Variants in IKZF1 observed in about 807,000 individuals in gnomAD.
The protein encoded by IKZF1 is IKAROS family zinc finger 1.
Under a neutral mutation model 51.7 loss-of-function variants are expected in IKZF1, and 10 were observed. That is an observed-to-expected ratio of 0.19 (90% CI 0.12 to 0.33). The LOEUF is 0.33. Among genes scored for constraint, IKZF1 ranks in the 10% least tolerant of loss-of-function variants. The pLI is 1.00. For missense variants in IKZF1, 484 were observed against 707.5 expected, an observed-to-expected ratio of 0.68 and a Z score of 3.58; for synonymous variants, 280 against 282.3, an observed-to-expected ratio of 0.99 and a Z score of 0.08.
At chr7:50,389,939 G>T (rs10254237) in intron 6 of IKZF1, among the ~76,000 whole-genome samples, 105,545 of 152,070 alleles carry the variant, frequency 0.69, 37,396 homozygotes, top group Non-Finnish European at 0.77. Context: ...CTCCTTAGAT[G>T]GGGTGGATTC....
At chr7:50,353,233 A>G (rs550782175) in intron 3 of IKZF1, among the ~76,000 whole-genome samples, 2 of 152,378 alleles carry the variant, frequency 1.3e-5, no homozygotes, top group East Asian at 3.9e-4. Flanking sequence ...TTGCAGCTCC[A>G]TGTTTCCAAA....
At chr7:50,344,314 C>T (rs1261319392) in intron 3 of IKZF1, among the ~76,000 whole-genome samples, 2 of 152,214 alleles carry the variant, frequency 1.3e-5, no homozygotes, top group East Asian at 1.9e-4. Flanking sequence ...ACTGTCCTCA[C>T]ATGTAGATGA....
At chr7:50,397,814 T>G (rs2153514543) in intron 7 of IKZF1, among the ~76,000 whole-genome samples, 1 of 151,972 alleles carries the variant, frequency 6.6e-6, no homozygotes, top group African/African-American at 2.4e-5. Flanking sequence ...CTTCATAGGG[T>G]TTTCATCCTG....
chr7:50,370,180 TCACA>T (rs1808240277), intron 3 of IKZF1, among the ~76,000 whole-genome samples: 3 of 152,212 alleles, frequency 2.0e-5, no homozygotes. Flanking sequence ...TGGCCTAAAC[TCACA>T]CTAGAGTGAC....
At chr7:50,303,932 C>G (rs1020202513), upstream of IKZF1, 14 of 144,086 alleles carry the variant, frequency 9.7e-5, no homozygotes, top group African/African-American at 2.5e-5. This position sits in a 1 kb window ranked among gnomAD's most constrained non-coding sequence, Gnocchi z 4.7. Flanking sequence ...GCCGGGCTGC[C>G]CGGCCCGCGG....
intron 5 of IKZF1, among the ~76,000 whole-genome samples, chr7:50,383,742 G>A (rs1812535879): frequency 6.6e-6 from 1 of 152,216 alleles, no homozygotes; most frequent in Admixed American, 6.5e-5. Flanking sequence ...CTGGGGGATG[G>A]CAATGCCTCA....
At chr7:50,329,825 C>T (rs948312609) in intron 3 of IKZF1, among the ~76,000 whole-genome samples, 6 of 152,196 alleles carry the variant, frequency 3.9e-5, no homozygotes, top group African/African-American at 1.2e-4. Context: ...CAGCTCGGGT[C>T]GCTGTGGAGA....
intron 7 of IKZF1, among the ~76,000 whole-genome samples, chr7:50,394,712 T>C (rs1448323593): frequency 1.3e-5 from 2 of 148,934 alleles, no homozygotes; most frequent in African/African-American, 2.5e-5. Context: ...GTGGCTATTA[T>C]AGTTTTGCTT....
At chr7:50,351,957 T>G (rs1173558414) in intron 3 of IKZF1, among the ~76,000 whole-genome samples, 1 of 152,240 alleles carries the variant, frequency 6.6e-6, no homozygotes, top group Non-Finnish European at 1.5e-5. Flanking sequence ...ATACTAGCTC[T>G]GGCATTACAG....
chr7:50,350,674 G>A lies in IKZF1; in HGVS notation c.160+22917G>A, dbSNP rs150449502. On this transcript the variant is annotated intron_variant, in intron 3 of 7. Transcript: ENST00000331340. ...TAACCGTTAGAAATGTGTCACTGAA[G>A]TGTGAACATATTATGCTGTTAGATT... Among the ~76,000 whole-genome samples the A allele has an allele frequency of 2.5e-3, 377 of 152,362 alleles. 3 individuals carry two copies. The highest frequency in any genetic ancestry group is 8.5e-3 in the African/African-American group (353 of 41,576).
At chr7:50,382,813 TC>T in intron 5 of IKZF1, 106 bp downstream of exon 5, 1 of 1,376,108 alleles carries the variant, frequency 7.3e-7, no homozygotes, top group Non-Finnish European at 9.7e-7. Flanking sequence ...CCTGAGTCCC[TC>T]CCAGCTCGCA....
intron 2 of IKZF1, among the ~76,000 whole-genome samples, chr7:50,323,014 A>G (rs533670788): frequency 3.3e-5 from 5 of 152,354 alleles, no homozygotes; most frequent in East Asian, 1.9e-4. Flanking sequence ...TCTAAAGGAT[A>G]TGGAAACCTT....
chr7:50,314,096 G>A (rs1478227684), intron 1 of IKZF1, among the ~76,000 whole-genome samples: 1 of 152,182 alleles, frequency 6.6e-6, no homozygotes, highest in African/African-American at 2.4e-5. Context: ...AGTTGTTTAA[G>A]TCTCAGAGAC....
intron 7 of IKZF1, among the ~76,000 whole-genome samples, chr7:50,392,227 A>T (rs1243355181): frequency 6.6e-6 from 1 of 152,146 alleles, no homozygotes; most frequent in Non-Finnish European, 1.5e-5. Flanking sequence ...GGCTTCTCAG[A>T]GCTTCAGATC....
At chr7:50,309,609 A>G (rs182869989) in intron 1 of IKZF1, among the ~76,000 whole-genome samples, 19 of 152,360 alleles carry the variant, frequency 1.2e-4, no homozygotes, top group Admixed American at 7.8e-4. Context: ...ACTAAAATCT[A>G]TACCTTTAAA....
chr7:50,370,886 G>T (rs964786035), intron 3 of IKZF1, among the ~76,000 whole-genome samples: 1 of 152,160 alleles, frequency 6.6e-6, no homozygotes, highest in African/African-American at 2.4e-5. Flanking sequence ...TATCTTCAGG[G>T]AGATGTACCA....
chr7:50,365,818 GC>G (rs1401794958), intron 3 of IKZF1, among the ~76,000 whole-genome samples: 1 of 152,176 alleles, frequency 6.6e-6, no homozygotes, highest in Non-Finnish European at 1.5e-5. Flanking sequence ...TAAGACACAT[GC>G]ACGCATTTGT....
At chr7:50,307,945 T>A (rs1789207694) in intron 1 of IKZF1, among the ~76,000 whole-genome samples, 1 of 152,220 alleles carries the variant, frequency 6.6e-6, no homozygotes, top group South Asian at 2.1e-4. Context: ...CATGCTGGTG[T>A]CTTCATGTGG....
intron 5 of IKZF1, among the ~76,000 whole-genome samples, chr7:50,383,780 T>A (rs1181187489): frequency 6.6e-6 from 1 of 152,196 alleles, no homozygotes; most frequent in African/African-American, 2.4e-5. Context: ...CCACCCTGGG[T>A]AGCAGGATAA....
Sources: gnomAD v4.1 joint callset for allele counts (sites outside exome capture counted in the v4.1 genomes callset) on GRCh38, gnomAD v4.1.1 for gene constraint, Gnocchi (gnomAD v3.1) non-coding constraint, MANE v1.5 for transcripts, NCBI Gene and HGNC (gene_info 2026-07-23, HGNC 2026-07-21) for gene names.